Variants in NEGR1 observed in about 807,000 individuals in gnomAD.
The protein encoded by NEGR1 is neuronal growth regulator 1.
In NEGR1, 10 loss-of-function variants were observed where a neutral mutation model predicts 40.9. The observed-to-expected ratio is 0.24, with a 90% CI of 0.15 to 0.42. The LOEUF is 0.42. Ranked by LOEUF, NEGR1 falls within the 10% of genes least tolerant of loss-of-function variation. The pLI, the probability that NEGR1 is intolerant of heterozygous loss-of-function variation, is 1.00. For missense variants in NEGR1, 352 were observed against 438.9 expected (o/e 0.80, Z 1.77); for synonymous variants, 185 against 166.8 (o/e 1.11, Z -0.84).
At chr1:71,776,391 A>G in intron 2 of NEGR1, 94 bp from the exon 3 acceptor site, 1 of 724,012 alleles carries the variant, frequency 1.4e-6, no homozygotes, top group South Asian at 2.7e-5. Context: ...CAAGAAAGGT[A>G]TGAGGGTGAA....
intron 1 of NEGR1, among the ~76,000 whole-genome samples, chr1:72,202,639 C>T (rs1437429023): frequency 1.3e-5 from 2 of 151,946 alleles, no homozygotes; most frequent in African/African-American, 2.4e-5. Context: ...AAGCTTAATC[C>T]AGAGCAAGGG....
rs371550186 is a variant in NEGR1, at chr1:71,837,784, A to C, written c.410-61487T>G. 5.3e-5 allele frequency among the ~76,000 whole-genome samples: 8 copies of C among 152,148 alleles called. No individual in the cohort carries two copies. In the South Asian group the frequency reaches 1.2e-3, roughly 24 times the overall value. Reference sequence around the variant, plus strand: ...AAAGCAGTAAAGCAAGGTCCATGAAATAGATATTGAGCTATTGTTAATCAC... The same window carrying C: ...AAAGCAGTAAAGCAAGGTCCATGAACTAGATATTGAGCTATTGTTAATCAC... On this transcript the variant is annotated intron_variant, in intron 2 of 6. Coordinates refer to ENST00000357731, the MANE Select transcript of NEGR1 (RefSeq NM_173808.3).
intron 3 of NEGR1, among the ~76,000 whole-genome samples, chr1:71,764,174 A>G (rs987240174): frequency 6.6e-5 from 10 of 152,206 alleles, no homozygotes; most frequent in African/African-American, 2.4e-4. Context: ...TTTTTGAAAA[A>G]TTGAAGAATA....
At chr1:71,811,469 C>T (rs1322441605) in intron 2 of NEGR1, among the ~76,000 whole-genome samples, 1 of 151,970 alleles carries the variant, frequency 6.6e-6, no homozygotes, top group Non-Finnish European at 1.5e-5. Context: ...AGTAGCTGTA[C>T]ACCCTTGGCC....
intron 1 of NEGR1, among the ~76,000 whole-genome samples, chr1:72,138,184 A>T (rs543337545): frequency 6.6e-6 from 1 of 151,874 alleles, no homozygotes; most frequent in South Asian, 2.1e-4. Flanking sequence ...TACATATGTT[A>T]TGACTTTTAC....
chr1:71,431,424 G>A (rs17091209), intron 6 of NEGR1, among the ~76,000 whole-genome samples: 11,977 of 152,104 alleles, frequency 0.079, 510 homozygotes, highest in East Asian at 0.12. Context: ...TGAGTATTTC[G>A]AATTGAACTC....
intron 6 of NEGR1, among the ~76,000 whole-genome samples, chr1:71,567,000 C>T (rs1056412215): frequency 6.6e-6 from 1 of 152,056 alleles, no homozygotes; most frequent in Admixed American, 6.6e-5. Context: ...CTCCTAATAC[C>T]GTCACCTTGG....
chr1:72,041,015 G>A (rs1646949230), intron 1 of NEGR1, among the ~76,000 whole-genome samples: 2 of 152,056 alleles, frequency 1.3e-5, no homozygotes, highest in Admixed American at 1.3e-4. Context: ...AGTAACCAAT[G>A]TCAATAGTTC....
At chr1:72,223,991 T>A (rs1654095306) in intron 1 of NEGR1, among the ~76,000 whole-genome samples, 1 of 152,146 alleles carries the variant, frequency 6.6e-6, no homozygotes, top group Non-Finnish European at 1.5e-5. Context: ...CCCTCCAGCT[T>A]ATCAACTCAT....
chr1:71,718,881 T>C (rs1654364493), intron 3 of NEGR1, among the ~76,000 whole-genome samples: 2 of 152,214 alleles, frequency 1.3e-5, no homozygotes, highest in African/African-American at 4.8e-5. Context: ...CTTAAGAGTG[T>C]GCCTATTTGT....
intron 1 of NEGR1, among the ~76,000 whole-genome samples, chr1:72,092,217 G>A (rs1423523274): frequency 6.6e-6 from 1 of 152,122 alleles, no homozygotes; most frequent in East Asian, 1.9e-4. Context: ...GACAGGAAAG[G>A]TAGAGACTAG....
rs1471722141 is a variant in NEGR1, at chr1:71,401,583, C to A, written c.*5863G>T. On this transcript the variant is annotated 3_prime_UTR_variant, in exon 7 of 7. Coordinates refer to ENST00000357731, the MANE Select transcript of NEGR1 (RefSeq NM_173808.3). ...TCTTTCTCTTGTTCTACTGTCCCAG[C>A]ACAAACAGATGTTCATGTTAGTATT... 1 of 152,170 alleles carries A rather than the reference C, an allele frequency of 6.6e-6. No individual in the cohort carries two copies. Among genetic ancestry groups the A allele is most frequent in the Non-Finnish European group, 1.5e-5 (1 of 68,022 alleles). The allele number at this position is 152,170 out of a possible 1,614,324, so 9.4% of individuals were successfully genotyped here.
chr1:71,667,868 T>C (rs1464836117), intron 4 of NEGR1, among the ~76,000 whole-genome samples: 2 of 152,180 alleles, frequency 1.3e-5, no homozygotes, highest in Non-Finnish European at 2.9e-5. Flanking sequence ...AAAGAATTAA[T>C]CTTTGCTCAG....
At chr1:71,462,708 T>C (rs964409056) in intron 6 of NEGR1, among the ~76,000 whole-genome samples, 3 of 152,134 alleles carry the variant, frequency 2.0e-5, no homozygotes, top group Non-Finnish European at 4.4e-5. Context: ...AAATAATCTT[T>C]TAGATGCAGC....
chr1:72,195,883 A>G (rs1369789367), intron 1 of NEGR1, among the ~76,000 whole-genome samples: 1 of 152,052 alleles, frequency 6.6e-6, no homozygotes, highest in Non-Finnish European at 1.5e-5. Flanking sequence ...TTGTGATGGT[A>G]CTGATGTAAG....
chr1:71,666,486 T>C (rs988988628), intron 4 of NEGR1, among the ~76,000 whole-genome samples: 4 of 119,206 alleles, frequency 3.4e-5, no homozygotes, highest in African/African-American at 1.3e-4. Flanking sequence ...TTGGATCTGT[T>C]ACTGCAGATC....
chr1:71,753,615 G>A (rs1655638893), intron 3 of NEGR1, among the ~76,000 whole-genome samples: 1 of 152,108 alleles, frequency 6.6e-6, no homozygotes, highest in Non-Finnish European at 1.5e-5. Flanking sequence ...TCTGCCTGGG[G>A]ATTGTTAACA....
intron 2 of NEGR1, among the ~76,000 whole-genome samples, chr1:71,827,720 T>C (rs1463663902): frequency 6.6e-6 from 1 of 151,926 alleles, no homozygotes; most frequent in African/African-American, 2.4e-5. Context: ...TTTTGCTTTT[T>C]TGTTTTTTCT....
intron 1 of NEGR1, among the ~76,000 whole-genome samples, chr1:71,979,845 G>T (rs559680698): frequency 3.3e-5 from 5 of 152,114 alleles, no homozygotes; most frequent in East Asian, 3.9e-4. Context: ...AAAGACAAAT[G>T]GTTAAAGTCG....
Sources: allele counts gnomAD v4.1 joint callset (sites outside exome capture counted in the v4.1 genomes callset), GRCh38; gene constraint gnomAD v4.1.1; transcripts MANE v1.5; gene names NCBI Gene and HGNC (gene_info 2026-07-23, HGNC 2026-07-21).